DAPK1: variants seen among roughly 807,000 people sequenced by gnomAD.
DAPK1 encodes the protein death associated protein kinase 1, also known as death-associated protein kinase 1.
Under a neutral mutation model 144.9 loss-of-function variants are expected in DAPK1, and 56 were observed. The observed-to-expected ratio is 0.39, with a 90% CI of 0.31 to 0.48. The LOEUF (loss-of-function observed/expected upper bound fraction) is 0.48, where lower values mean the gene tolerates loss of function less well. Among genes scored for constraint, DAPK1 ranks in the 20% least tolerant of loss-of-function variants. The pLI, the probability that DAPK1 is intolerant of heterozygous loss-of-function variation, is 0.95. For missense variants in DAPK1, 1,454 were observed against 1,875.4 expected, an observed-to-expected ratio of 0.78 and a Z score of 4.15; for synonymous variants, 690 against 749.0, an observed-to-expected ratio of 0.92 and a Z score of 1.29.
At chr9:87,511,947 G>T (rs990487709) in intron 2 of DAPK1, among the ~76,000 whole-genome samples, 1 of 152,064 alleles carries the variant, frequency 6.6e-6, no homozygotes, top group Non-Finnish European at 1.5e-5. Flanking sequence ...CCTGACCTTA[G>T]GTGATCCACC....
intron 11 of DAPK1, among the ~76,000 whole-genome samples, chr9:87,643,904 A>C (rs1830183140): frequency 6.6e-6 from 1 of 152,166 alleles, no homozygotes. Flanking sequence ...CTTGGTTAAC[A>C]GTAGCACAGA....
intron 11 of DAPK1, 95 bp downstream of exon 11, chr9:87,643,563 AGTT>A: frequency 1.2e-6 from 1 of 832,096 alleles, no homozygotes; most frequent in Non-Finnish European, 2.0e-6. Flanking sequence ...AGGAACCTGA[AGTT>A]GTGGAAATGG....
intron 19 of DAPK1, among the ~76,000 whole-genome samples, chr9:87,677,716 A>C (rs1479348404): frequency 1.3e-5 from 2 of 152,132 alleles, no homozygotes; most frequent in Non-Finnish European, 2.9e-5. Flanking sequence ...ACCCTGTGGG[A>C]TGCTCACCAT....
chr9:87,562,640 AT>A, intron 2 of DAPK1, among the ~76,000 whole-genome samples: 1 of 152,360 alleles, frequency 6.6e-6, no homozygotes, highest in East Asian at 1.9e-4. Context: ...GTCATTTGCT[AT>A]CTCAAAGGCT....
chr9:87,642,132 T>C (rs922036722), intron 10 of DAPK1, 74 bp downstream of exon 10: 1 of 1,161,076 alleles, frequency 8.6e-7, no homozygotes, highest in Admixed American at 1.9e-5. Flanking sequence ...AGGGTGCATC[T>C]CCTCTGATAC....
chr9:87,677,882 C>T (rs977768229), intron 19 of DAPK1, among the ~76,000 whole-genome samples: 2 of 152,118 alleles, frequency 1.3e-5, no homozygotes, highest in East Asian at 1.9e-4. Flanking sequence ...GGTGGCAGCG[C>T]GGCAGCATGG....
intron 2 of DAPK1, among the ~76,000 whole-genome samples, chr9:87,577,722 C>T (rs995879631): frequency 6.6e-6 from 1 of 151,978 alleles, no homozygotes; most frequent in African/African-American, 2.4e-5. Flanking sequence ...TGCTTGAACC[C>T]GGGAGGCGGA....
chr9:87,612,456 T>C (rs1306810321), intron 3 of DAPK1, among the ~76,000 whole-genome samples: 3 of 152,114 alleles, frequency 2.0e-5, no homozygotes, highest in African/African-American at 7.2e-5. Context: ...AGCAGATTCA[T>C]CCTCAGATCC....
intron 2 of DAPK1, among the ~76,000 whole-genome samples, chr9:87,562,166 T>G (rs1407777855): frequency 6.6e-6 from 1 of 152,244 alleles, no homozygotes. Context: ...CTTCAGTGTT[T>G]ACCTTCTTGG....
intron 24 of DAPK1, 29 bp from the exon 25 acceptor site, chr9:87,703,000 G>C (rs1564079033): frequency 8.3e-7 from 1 of 1,202,210 alleles, no homozygotes; most frequent in East Asian, 2.3e-5. Context: ...CTGCAGGTGA[G>C]TTAACCTGTC....
chr9:87,647,288 G>A lies in DAPK1; in HGVS notation c.1231-17G>A. ...TCAGCTCCCTAGAAATGTGACCCCA[G>A]GTTGATTTTCCTGCAGGGCGGGTCC... On this transcript the variant is annotated splice_polypyrimidine_tract_variant and intron_variant, in intron 13 of 25. Transcript: ENST00000408954. 5 of 1,609,954 alleles carry A rather than the reference G, an allele frequency of 3.1e-6. No individual in the cohort carries two copies. The highest frequency in any genetic ancestry group is 4.3e-6 in the Non-Finnish European group (5 of 1,176,380).
chr9:87,659,729 T>A (rs1367421988), intron 18 of DAPK1, among the ~76,000 whole-genome samples: 2 of 152,146 alleles, frequency 1.3e-5, no homozygotes, highest in African/African-American at 2.4e-5. Context: ...AAAAGCGTCT[T>A]CTGTCCCCAG....
chr9:87,628,672 A>G (rs1359824498), intron 3 of DAPK1, among the ~76,000 whole-genome samples: 1 of 152,206 alleles, frequency 6.6e-6, no homozygotes, highest in African/African-American at 2.4e-5. Flanking sequence ...GGCAAAGCCA[A>G]GAGGTAGTTG....
intron 2 of DAPK1, among the ~76,000 whole-genome samples, chr9:87,501,616 T>A (rs1458125454): frequency 1.3e-5 from 2 of 152,212 alleles, no homozygotes; most frequent in Non-Finnish European, 2.9e-5. Context: ...AACGATTCAC[T>A]TACCTTATAA....
chr9:87,686,584 G>A lies in DAPK1; in HGVS notation c.2258G>A (p.Cys753Tyr). The A allele has an allele frequency of 6.3e-7, 1 of 1,588,384 alleles. No homozygotes were observed. Among genetic ancestry groups the A allele is most frequent in the Non-Finnish European group, 8.6e-7 (1 of 1,166,114 alleles). ...AGCATCAACAACCTGTACCCAGGCT[G>A]CGAGAACGTGAGTGTGAGGAGCCGC... is the stretch of plus-strand genomic sequence containing the variant. ...SVSINNLYPGCENVSVRSRSM... is the reference protein window; with the variant it reads ...SVSINNLYPGYENVSVRSRSM... Residue 753 changes from cysteine (C) to tyrosine (Y), a missense_variant, in exon 21 of 26, where the codon TGC becomes TAC. Around this residue, in one of 2 missense-constraint regions of DAPK1, gnomAD observed 1,025 missense variants for 1,237.9 expected, o/e 0.83. Coordinates refer to ENST00000408954, the MANE Select transcript of DAPK1 (RefSeq NM_004938.4). This position sits in a 1 kb window ranked among gnomAD's most constrained non-coding sequence, Gnocchi z 4.2.
intron 20 of DAPK1, 54 bp downstream of exon 20, chr9:87,681,680 C>G (rs780531312): frequency 7.7e-6 from 7 of 908,476 alleles, no homozygotes; most frequent in Non-Finnish European, 1.1e-5. Flanking sequence ...CTTCCGCACT[C>G]TCTCCTTTCA....
chr9:87,518,102 GTTGTTTT>G (rs1825138353), intron 2 of DAPK1, among the ~76,000 whole-genome samples: 4 of 38,360 alleles, frequency 1.0e-4, no homozygotes, highest in South Asian at 1.6e-3. Flanking sequence ...CGTTTATGTT[GTTGTTTT>G]TTTTTTTTTT....
chr9:87,589,555 C>CTT (rs5899007), intron 2 of DAPK1, among the ~76,000 whole-genome samples: 141 of 149,102 alleles, frequency 9.5e-4, no homozygotes, highest in East Asian at 5.9e-3. Context: ...CCATCAAGTA[C>CTT]TTTTTTTTTT....
intron 2 of DAPK1, among the ~76,000 whole-genome samples, chr9:87,572,049 A>G (rs2118754052): frequency 6.6e-6 from 1 of 152,328 alleles, no homozygotes; most frequent in African/African-American, 2.4e-5. Flanking sequence ...GCTGGGAATA[A>G]AAAAGTCACA....
Sources: allele counts gnomAD v4.1 joint callset (sites outside exome capture counted in the v4.1 genomes callset), GRCh38; gene constraint gnomAD v4.1.1; regional missense constraint gnomAD v4.1.1; non-coding constraint Gnocchi (gnomAD v3.1); transcripts MANE v1.5; gene names NCBI Gene and HGNC (gene_info 2026-07-23, HGNC 2026-07-21).